Variants in TBC1D14 observed in about 807,000 individuals in gnomAD.
The protein encoded by TBC1D14 is TBC1 domain family member 14.
A neutral mutation model predicts 79.0 loss-of-function variants in TBC1D14; 26 were observed. That is an observed-to-expected ratio of 0.33 (90% confidence interval 0.24 to 0.46). The LOEUF is 0.46. Among genes scored for constraint, TBC1D14 ranks in the 20% least tolerant of loss-of-function variants. The pLI, the probability that TBC1D14 is intolerant of heterozygous loss-of-function variation, is 1.00. For synonymous variants in TBC1D14, 394 were observed against 349.9 expected (o/e 1.13, Z -1.40); for missense variants, 769 against 887.6 (o/e 0.87, Z 1.70).
At chr4:6,988,885 C>CTTTTTTTTTTTTTTTTTT (rs34268749) in intron 3 of TBC1D14, among the ~76,000 whole-genome samples, 33 of 76,822 alleles carry the variant, frequency 4.3e-4, no homozygotes, top group East Asian at 7.9e-4. Context: ...TTCTTTCTTT[C>CTTTTTTTTTTTTTTTTTT]TTTTTTTTTT....
chr4:7,028,479 T>C (rs1722697949), intron 13 of TBC1D14, among the ~76,000 whole-genome samples: 1 of 150,904 alleles, frequency 6.6e-6, no homozygotes, highest in African/African-American at 2.4e-5. Flanking sequence ...CAGGCTGGAG[T>C]GCAGTGGCGC....
chr4:6,981,022 CTT>C (rs761834899), intron 3 of TBC1D14, among the ~76,000 whole-genome samples: 27 of 128,064 alleles, frequency 2.1e-4, no homozygotes, highest in Admixed American at 4.0e-4. Context: ...GCCTCTGTCT[CTT>C]TTTTTTTTTT....
intron 3 of TBC1D14, among the ~76,000 whole-genome samples, chr4:6,979,318 A>T (rs1717141626): frequency 6.6e-6 from 1 of 152,226 alleles, no homozygotes; most frequent in South Asian, 2.1e-4. Flanking sequence ...CAGTTCTGAC[A>T]GATTGTCAGA....
chr4:7,028,062 A>C (rs1193541836), intron 13 of TBC1D14, among the ~76,000 whole-genome samples: 2 of 137,636 alleles, frequency 1.5e-5, no homozygotes, highest in Non-Finnish European at 3.1e-5. Flanking sequence ...TTGCATACCC[A>C]CACACACACC....
chr4:7,014,592 T>G, intron 12 of TBC1D14, 35 bp downstream of exon 12: 1 of 1,424,802 alleles, frequency 7.0e-7, no homozygotes, highest in Non-Finnish European at 9.9e-7. Flanking sequence ...TTCAGAGCAT[T>G]TCTCAGCCCT....
intron 2 of TBC1D14, among the ~76,000 whole-genome samples, chr4:6,936,892 T>C (rs1212290604): frequency 2.0e-5 from 3 of 152,156 alleles, no homozygotes; most frequent in East Asian, 3.9e-4. Context: ...TCTTAGTCCG[T>C]TTGAGCTTTT....
intron 3 of TBC1D14, among the ~76,000 whole-genome samples, chr4:6,985,919 C>T (rs1460674993): frequency 6.6e-6 from 1 of 152,196 alleles, no homozygotes; most frequent in Non-Finnish European, 1.5e-5. Context: ...GAGATCCACT[C>T]ATTGTAAGTG....
In TBC1D14 at chr4:6,922,038, T is replaced by C. The variant is rs192319245; in HGVS notation, c.-17-1335T>C. 8.5e-5 allele frequency among the ~76,000 whole-genome samples: 13 copies of C among 152,160 alleles called. No homozygotes were observed. The East Asian group carries it at 2.3e-3, about 27-fold the overall frequency. On this transcript the variant is annotated intron_variant, in intron 1 of 13. Transcript: ENST00000409757. ...CATGCCCTTAGATGTGTGCGTGTGA[T>C]TAATGGATTTTGTTTGTTTGTTTGT...
chr4:6,934,072 G>A (rs1174711857), intron 2 of TBC1D14, among the ~76,000 whole-genome samples: 1 of 152,122 alleles, frequency 6.6e-6, no homozygotes, highest in Non-Finnish European at 1.5e-5. Flanking sequence ...CAGGAAGGAG[G>A]TGGAGTAGGT....
At chr4:7,026,229 C>T (rs1189301365) in intron 13 of TBC1D14, among the ~76,000 whole-genome samples, 1 of 151,934 alleles carries the variant, frequency 6.6e-6, no homozygotes, top group African/African-American at 2.4e-5. Flanking sequence ...CCCCACACGC[C>T]TGCTCTGCAG....
intron 2 of TBC1D14, among the ~76,000 whole-genome samples, chr4:6,928,707 A>T (rs1388312088): frequency 1.3e-5 from 2 of 152,164 alleles, no homozygotes; most frequent in Non-Finnish European, 2.9e-5. Flanking sequence ...TGTATCCTGC[A>T]CTGAAAGCTG....
At chr4:7,027,247 A>C (rs1487391016) in intron 13 of TBC1D14, among the ~76,000 whole-genome samples, 3 of 151,736 alleles carry the variant, frequency 2.0e-5, no homozygotes, top group African/African-American at 7.3e-5. Flanking sequence ...TTGTCCTGTA[A>C]CATTTCCCAC....
At position 7,006,599 on chromosome 4, in the gene TBC1D14, A is replaced by G. The variant is rs1331490016; in HGVS notation, c.1352-33A>G. ...TAATTGTCCTACATTCGTGCCCTTG[A>G]GGAATGTAATTATTTTTGGCATCTT... On this transcript the variant is annotated intron_variant, in intron 8 of 13. Coordinates refer to ENST00000409757, the MANE Select transcript of TBC1D14 (RefSeq NM_020773.3). 3 of 1,592,204 alleles carry G rather than the reference A, an allele frequency of 1.9e-6. No individual in the cohort carries two copies. The South Asian group carries it at 3.3e-5, about 18-fold the overall frequency.
chr4:6,923,899 G>C lies in TBC1D14; in HGVS notation c.510G>C (p.Leu170=), dbSNP rs1261878248. 6 of 1,614,144 alleles carry C rather than the reference G, an allele frequency of 3.7e-6. No homozygotes were observed. Among genetic ancestry groups the C allele is most frequent in the South Asian group, 1.1e-5 (1 of 91,088 alleles). ...TTGGGACAGAGCTGTCCACCACGCT[G>C]TCCGTCAGCAATGAGGACATCTTGG... ...SSLGTELSTT[L]SVSNEDILDL... is the part of the protein sequence containing the mutation. The change falls in exon 2 of 14, where the codon CTG becomes CTC. Residue 170 remains leucine (L), a synonymous_variant. Transcript: ENST00000409757.
chr4:7,000,996 A>G (rs1719620691), intron 6 of TBC1D14, 149 bp from the exon 7 acceptor site: 1 of 644,498 alleles, frequency 1.6e-6, no homozygotes, highest in East Asian at 2.8e-5. Context: ...TGATCTTTAC[A>G]GAGCCCTGGA....
intron 2 of TBC1D14, among the ~76,000 whole-genome samples, chr4:6,939,112 C>T (rs1481546758): frequency 6.6e-6 from 1 of 152,208 alleles, no homozygotes; most frequent in East Asian, 1.9e-4. Flanking sequence ...CCACCCACTC[C>T]CTCTGCATCT....
In TBC1D14 at chr4:6,967,291, T is replaced by G; in HGVS notation, c.723-13T>G. ...CCCAGAAATGCCCTAACCTTGTTAT[T>G]TTCTTCCTATAGGAACTTGCTTGCT... On this transcript the variant is annotated splice_polypyrimidine_tract_variant and intron_variant, in intron 2 of 13. Coordinates refer to ENST00000409757, the MANE Select transcript of TBC1D14 (RefSeq NM_020773.3). The G allele has an allele frequency of 6.2e-7, 1 of 1,612,752 alleles. No homozygotes were observed. Among genetic ancestry groups the G allele is most frequent in the Non-Finnish European group, 8.5e-7 (1 of 1,179,688 alleles).
At chr4:6,974,324 G>C (rs976659341) in intron 3 of TBC1D14, among the ~76,000 whole-genome samples, 1 of 152,122 alleles carries the variant, frequency 6.6e-6, no homozygotes, top group African/African-American at 2.4e-5. Flanking sequence ...CCATTACCTG[G>C]CCCAGATATG....
intron 8 of TBC1D14, among the ~76,000 whole-genome samples, chr4:7,005,887 A>G (rs1411795116): frequency 1.3e-5 from 2 of 152,216 alleles, no homozygotes; most frequent in Non-Finnish European, 2.9e-5. Context: ...AGAACACTGC[A>G]TGTTTGCTAG....
Sources: allele counts gnomAD v4.1 joint callset (sites outside exome capture counted in the v4.1 genomes callset), GRCh38; gene constraint gnomAD v4.1.1; transcripts MANE v1.5; gene names NCBI Gene and HGNC (gene_info 2026-07-23, HGNC 2026-07-21).